Variants in NCK1 observed in about 807,000 individuals in gnomAD.
NCK1 encodes NCK adaptor protein 1.
A neutral mutation model predicts 36.6 loss-of-function variants in NCK1; 19 were observed. That is an observed-to-expected ratio of 0.52 (90% CI 0.36 to 0.76). The LOEUF is 0.76. NCK1 is among the 30% of genes least tolerant of loss of function. NCK1 has a pLI of 0.00. For synonymous variants in NCK1, 165 were observed against 156.0 expected (o/e 1.06, Z -0.43); for missense variants, 358 against 445.6 (o/e 0.80, Z 1.77).
rs982236988 is a variant in NCK1, at chr3:136,874,480, C to T, written c.-19+12127C>T. Among the ~76,000 whole-genome samples, 11 of 152,236 alleles carry T rather than the reference C, an allele frequency of 7.2e-5. No homozygotes were observed. In the East Asian group the frequency reaches 7.7e-4, roughly 11 times the overall value. On this transcript the variant is annotated intron_variant, in intron 1 of 3. Coordinates refer to ENST00000481752, the MANE Select transcript of NCK1 (RefSeq NM_001291999.2). Reference sequence around the variant, plus strand: ...CAGGCGTGAGCCACCACGCCCGGCCCGTTTACAGGTCTTTAATGAACTTAT... The same window carrying T: ...CAGGCGTGAGCCACCACGCCCGGCCTGTTTACAGGTCTTTAATGAACTTAT...
At chr3:136,910,018 A>G (rs1576970569) in intron 1 of NCK1, among the ~76,000 whole-genome samples, 1 of 152,020 alleles carries the variant, frequency 6.6e-6, no homozygotes, top group East Asian at 1.9e-4. Flanking sequence ...TTTTTTTTCT[A>G]TTCATCTTGC....
intron 1 of NCK1, among the ~76,000 whole-genome samples, chr3:136,903,590 A>G (rs1308499427): frequency 6.6e-6 from 1 of 151,838 alleles, no homozygotes; most frequent in Non-Finnish European, 1.5e-5. Context: ...ACGCCTGGCT[A>G]ATTTTTGTAT....
At chr3:136,896,385 T>C (rs1939391315) in intron 1 of NCK1, among the ~76,000 whole-genome samples, 1 of 152,196 alleles carries the variant, frequency 6.6e-6, no homozygotes. Context: ...TAGAACATAC[T>C]ATATTTGTCT....
At chr3:136,921,849 T>A (rs554948493) in intron 1 of NCK1, among the ~76,000 whole-genome samples, 10 of 152,346 alleles carry the variant, frequency 6.6e-5, no homozygotes, top group African/African-American at 2.4e-4. Flanking sequence ...AGTGGCGTGA[T>A]CTCAGCTCAC....
chr3:136,890,293 C>T (rs1198525272), intron 1 of NCK1, among the ~76,000 whole-genome samples: 6 of 152,092 alleles, frequency 3.9e-5, no homozygotes, highest in Non-Finnish European at 7.4e-5. Context: ...GCTCTGAGTG[C>T]GTGCGGGGCC....
Position 136,948,632 on chromosome 3 carries a change from A to G in NCK1, c.*179A>G. On this transcript the variant is annotated 3_prime_UTR_variant, in exon 4 of 4. Coordinates refer to ENST00000481752, the MANE Select transcript of NCK1 (RefSeq NM_001291999.2). ...TACATATATACTATGTATGCAGTGC[A>G]TCTGCATAGAACAGTTCCTTATCCT... 2.0e-6 allele frequency: 1 copy of G among 507,814 alleles called. No individual in the cohort carries two copies. The highest frequency in any genetic ancestry group is 3.5e-6 in the Non-Finnish European group (1 of 286,056). The allele number at this position is 507,814 out of a possible 1,614,324, so 31.5% of individuals were successfully genotyped here.
intron 1 of NCK1, among the ~76,000 whole-genome samples, chr3:136,908,233 A>G (rs111290259): frequency 4.6e-5 from 7 of 152,344 alleles, no homozygotes; most frequent in East Asian, 3.9e-4. Context: ...TCACTTCGTC[A>G]TATTAACATT....
At position 136,867,129 on chromosome 3, in the gene NCK1, TTTCCTTCC is replaced by T. The variant is rs1223798209; in HGVS notation, c.-19+4820_-19+4827del. On this transcript the variant is annotated intron_variant, in intron 1 of 3. Transcript: ENST00000481752. Reference sequence around the variant, plus strand: ...CTTTCTTTCTTTCTTTGTTTCTTTCTTTCCTTCCTTCCTTCCTTCCTTCCTTCCTTCCT... The same window carrying T: ...CTTTCTTTCTTTCTTTGTTTCTTTCTTTCCTTCCTTCCTTCCTTCCTTCCT... Among the ~76,000 whole-genome samples, 16 of 30,686 alleles carry T rather than the reference TTTCCTTCC, an allele frequency of 5.2e-4. 2 individuals carry two copies. Among genetic ancestry groups the T allele is most frequent in the East Asian group, 2.3e-3 (3 of 1,292 alleles). 20.1% of individuals were successfully genotyped at this position (30,686 alleles called of 152,430 possible). A position where few individuals can be genotyped will look rare whatever the true frequency, so the allele number is the denominator to read the frequency against.
At chr3:136,882,025 T>G (rs1317154199) in intron 1 of NCK1, among the ~76,000 whole-genome samples, 2 of 152,170 alleles carry the variant, frequency 1.3e-5, no homozygotes, top group Non-Finnish European at 2.9e-5. Flanking sequence ...TGCTTTCAGT[T>G]TTTTGATGTA....
At chr3:136,899,881 G>T in intron 1 of NCK1, 3 of 1,183,976 alleles carry the variant, frequency 2.5e-6, no homozygotes, top group East Asian at 2.3e-5. Context: ...TTTTTTTTAG[G>T]GGTTTTCTCT....
At chr3:136,894,409 A>G (rs1177681133) in intron 1 of NCK1, among the ~76,000 whole-genome samples, 1 of 152,318 alleles carries the variant, frequency 6.6e-6, no homozygotes, top group Admixed American at 6.5e-5. Context: ...CTGCATCCCA[A>G]ATGACCAGCA....
chr3:136,868,591 G>A (rs1057127389), intron 1 of NCK1, among the ~76,000 whole-genome samples: 1 of 152,324 alleles, frequency 6.6e-6, no homozygotes, highest in South Asian at 2.1e-4. Flanking sequence ...GCCTCCCAAA[G>A]TGCTGGGATT....
At chr3:136,862,912 T>G (rs1042539259) in intron 1 of NCK1, among the ~76,000 whole-genome samples, 1 of 145,670 alleles carries the variant, frequency 6.9e-6, no homozygotes, top group African/African-American at 2.5e-5. Flanking sequence ...TTTAATGGTC[T>G]GGACCTGCTT....
In NCK1 at chr3:136,929,063, G is replaced by A. The variant is rs535100903; in HGVS notation, c.226+836G>A. ...GCATGACTGACAAATATGAAATACT[G>A]TTGACTCACTACTTTACATTAGTTT... On this transcript the variant is annotated intron_variant, in intron 2 of 3. Transcript: ENST00000481752. Among the ~76,000 whole-genome samples the A allele has an allele frequency of 2.1e-4, 32 of 152,094 alleles. No individual in the cohort carries two copies. In the South Asian group the frequency reaches 5.8e-3, roughly 28 times the overall value.
intron 1 of NCK1, among the ~76,000 whole-genome samples, chr3:136,906,124 A>G (rs139349144): frequency 6.6e-6 from 1 of 152,196 alleles, no homozygotes; most frequent in African/African-American, 2.4e-5. Context: ...TGTTGGTTGA[A>G]TATGGCACTT....
intron 1 of NCK1, among the ~76,000 whole-genome samples, chr3:136,904,837 T>TG (rs1939640411): frequency 6.6e-6 from 1 of 151,506 alleles, no homozygotes; most frequent in Non-Finnish European, 1.5e-5. Flanking sequence ...TTTTCTCATT[T>TG]TTTTTTTTTT....
chr3:136,942,351 T>C (rs1319840007), intron 2 of NCK1, among the ~76,000 whole-genome samples: 2 of 152,242 alleles, frequency 1.3e-5, no homozygotes, highest in African/African-American at 4.8e-5. Flanking sequence ...GTTGTTTGCT[T>C]GTTTAGTGAC....
chr3:136,892,394 C>G (rs1325606142), intron 1 of NCK1, among the ~76,000 whole-genome samples: 2 of 152,140 alleles, frequency 1.3e-5, no homozygotes, highest in Non-Finnish European at 2.9e-5. Context: ...TTTCGGTTGC[C>G]TGTGCTACTG....
chr3:136,908,972 T>G (rs541221260), intron 1 of NCK1, among the ~76,000 whole-genome samples: 1 of 152,186 alleles, frequency 6.6e-6, no homozygotes, highest in African/African-American at 2.4e-5. Flanking sequence ...ATGAATGAAT[T>G]AATGCTGTTA....
Sources: allele counts gnomAD v4.1 joint callset (sites outside exome capture counted in the v4.1 genomes callset), GRCh38; gene constraint gnomAD v4.1.1; transcripts MANE v1.5; gene names NCBI Gene and HGNC (gene_info 2026-07-23, HGNC 2026-07-21).